Variants in PCDHGC4 observed in about 807,000 individuals in gnomAD.
PCDHGC4 encodes the protein protocadherin gamma-C4.
In PCDHGC4, 15 loss-of-function variants were observed where a neutral mutation model predicts 59.7. That is an observed-to-expected ratio of 0.25 (90% confidence interval 0.17 to 0.39). The LOEUF is 0.39. PCDHGC4 is among the 10% of genes least tolerant of loss of function. The pLI is 1.00. For synonymous variants in PCDHGC4, 434 were observed against 481.4 expected, an observed-to-expected ratio of 0.90 and a Z score of 1.29; for missense variants, 1,016 against 1,189.5, an observed-to-expected ratio of 0.85 and a Z score of 2.15.
At chr5:141,509,071 G>T (rs1209992467) in intron 3 of PCDHGC4, among the ~76,000 whole-genome samples, 1 of 152,176 alleles carries the variant, frequency 6.6e-6, no homozygotes, top group Admixed American at 6.5e-5. Flanking sequence ...CAGCTCCGGG[G>T]ATTTGCGACA....
rs775989253 is a variant in PCDHGC4 at position 141,491,769 on chromosome 5, G to A, written c.2443-3038G>A. On this transcript the variant is annotated intron_variant, in intron 1 of 3. Transcript: ENST00000306593. The surrounding 1 kb of genome is among the most constrained non-coding windows in gnomAD (Gnocchi z 6.9). ...CTGGAGAAGCCGCCCGTCCTCATAA[G>A]GGATTGAACTTGCATCCACTCCTCT... 6.4e-7 allele frequency: 1 copy of A among 1,562,376 alleles called. No homozygotes were observed. Among genetic ancestry groups the A allele is most frequent in the African/African-American group, 1.4e-5 (1 of 73,058 alleles).
intron 2 of PCDHGC4, among the ~76,000 whole-genome samples, chr5:141,499,149 A>G (rs1215155217): frequency 6.6e-6 from 1 of 152,084 alleles, no homozygotes; most frequent in African/African-American, 2.4e-5. Context: ...TCTGATCCCA[A>G]TAGCTGTTGT....
chr5:141,494,898 T>C, intron 2 of PCDHGC4, 33 bp downstream of exon 2: 1 of 1,614,074 alleles, frequency 6.2e-7, no homozygotes, highest in Non-Finnish European at 8.5e-7. Flanking sequence ...CACCCTCTTC[T>C]CTGCGGCATT....
Position 141,486,880 on chromosome 5 carries a change from G to T in PCDHGC4, c.1707G>T (p.Arg569=). The change falls in exon 1 of 4, where the codon CGG becomes CGT. Residue 569 remains arginine, a synonymous_variant. Transcript: ENST00000306593. The surrounding 1 kb of genome is among the most constrained non-coding windows in gnomAD (Gnocchi z 5.0). The stretch of plus-strand genomic sequence containing the variant: ...ATGCTCCAGCTGTGCTCCGTCCTCG[G>T]GCCCGGCCTGGTTCCTTATGTCCCC... ...NDNAPAVLRP[R]ARPGSLCPQA... The T allele has an allele frequency of 6.2e-7, 1 of 1,614,212 alleles. No homozygotes were observed. Among genetic ancestry groups the T allele is most frequent in the East Asian group, 2.2e-5 (1 of 44,882 alleles).
intron 2 of PCDHGC4, among the ~76,000 whole-genome samples, chr5:141,499,445 C>A (rs904360147): frequency 1.3e-5 from 2 of 152,062 alleles, no homozygotes; most frequent in African/African-American, 4.8e-5. Flanking sequence ...AAAGGAAAAC[C>A]ACCCATCATT....
At chr5:141,495,910 A>C (rs2154591812) in intron 2 of PCDHGC4, among the ~76,000 whole-genome samples, 1 of 151,278 alleles carries the variant, frequency 6.6e-6, no homozygotes, top group East Asian at 1.9e-4. Flanking sequence ...GTCTCTGTAT[A>C]TCTTTCTTTG....
rs755093164 is a variant in PCDHGC4, at chr5:141,485,516, G to C, written c.343G>C (p.Glu115Gln). Residue 115 changes from glutamate to glutamine, a missense_variant, in exon 1 of 4, where the codon GAA becomes CAA. Physicochemically the swap from Glu to Gln is conservative, Grantham distance 29. Coordinates refer to ENST00000306593, the MANE Select transcript of PCDHGC4 (RefSeq NM_018928.3). The surrounding 1 kb of genome is among the most constrained non-coding windows in gnomAD (Gnocchi z 5.7). Reference protein sequence around the residue: ...PLEFVTEGPLEMYRAEVEIVD... With the variant: ...PLEFVTEGPLQMYRAEVEIVD... Reference sequence around the variant, plus strand: ...GGAGTTTGTCACCGAAGGTCCTTTGGAAATGTACCGAGCAGAGGTAGAGAT... The same window carrying C: ...GGAGTTTGTCACCGAAGGTCCTTTGCAAATGTACCGAGCAGAGGTAGAGAT... 1 of 1,614,172 alleles carries C rather than the reference G, an allele frequency of 6.2e-7. No individual in the cohort carries two copies.
At position 141,489,088 on chromosome 5, in the gene PCDHGC4, GAC is replaced by G; in HGVS notation, c.2442+1474_2442+1475del. 5.8e-6 allele frequency: 2 copies of G among 347,236 alleles called. No homozygotes were observed. The highest frequency in any genetic ancestry group is 4.7e-5 in the East Asian group (1 of 21,502). The allele number at this position is 347,236 out of a possible 1,614,324, so 21.5% of individuals were successfully genotyped here. A position where few individuals can be genotyped will look rare whatever the true frequency, so the allele number is the denominator to read the frequency against. ...CCCCTGCCCACCCCCGCCACTCGGT[GAC>G]TAAGAACTGCTGCAAGCAGGCAAAC... On this transcript the variant is annotated intron_variant, in intron 1 of 3. Transcript: ENST00000306593. The surrounding 1 kb of genome is among the most constrained non-coding windows in gnomAD (Gnocchi z 4.5).
intron 2 of PCDHGC4, among the ~76,000 whole-genome samples, chr5:141,503,595 G>T (rs6892628): frequency 0.52 from 72,995 of 139,870 alleles, 19,322 homozygotes; most frequent in African/African-American, 0.64. Flanking sequence ...CGAGACTCCA[G>T]CTCAAAAAAA....
chr5:141,486,555 A>T lies in PCDHGC4; in HGVS notation c.1382A>T (p.Glu461Val), dbSNP rs746001345. The T allele has an allele frequency of 6.2e-6, 10 of 1,614,078 alleles. No individual in the cohort carries two copies. Among genetic ancestry groups the T allele is most frequent in the Non-Finnish European group, 7.6e-6 (9 of 1,180,022 alleles). ...NPPSFFQRSH[E>V]VFVPENNRPG... ...CCCTCTTTCTTTCAGAGGTCACATGAGGTGTTTGTTCCTGAGAACAATCGC... is the reference window on the plus strand; with the variant it reads ...CCCTCTTTCTTTCAGAGGTCACATGTGGTGTTTGTTCCTGAGAACAATCGC... Residue 461 changes from glutamate (E) to valine (V), a missense_variant, in exon 1 of 4, where the codon GAG (glutamate) becomes GTG (valine). Transcript: ENST00000306593. This position sits in a 1 kb window ranked among gnomAD's most constrained non-coding sequence, Gnocchi z 5.0.
Position 141,504,710 on chromosome 5 carries a change from G to A in PCDHGC4, c.2502-683G>A, listed in dbSNP as rs528205869. The stretch of plus-strand genomic sequence containing the variant: ...AGGAGGGGCAGGTTCTTCTATGGCC[G>A]TGGATTTTACTCTGAGGGCTTAGGA... On this transcript the variant is annotated intron_variant, in intron 2 of 3. Transcript: ENST00000306593. Among the ~76,000 whole-genome samples the A allele has an allele frequency of 1.4e-4, 21 of 151,968 alleles. No homozygotes were observed. The East Asian group carries it at 3.7e-3, about 27-fold the overall frequency.
chr5:141,507,483 T>G (rs2099860964), intron 3 of PCDHGC4, among the ~76,000 whole-genome samples: 1 of 152,184 alleles, frequency 6.6e-6, no homozygotes, highest in South Asian at 2.1e-4. Context: ...GCTGGCCTCC[T>G]GAGGCAGAGC....
At chr5:141,496,733 C>T (rs1221912777) in intron 2 of PCDHGC4, among the ~76,000 whole-genome samples, 12 of 152,138 alleles carry the variant, frequency 7.9e-5, no homozygotes, top group African/African-American at 9.7e-5. Context: ...TGTATTCATT[C>T]GTTCATTTAT....
At chr5:141,500,348 A>G (rs2099799436) in intron 2 of PCDHGC4, among the ~76,000 whole-genome samples, 1 of 151,950 alleles carries the variant, frequency 6.6e-6, no homozygotes, top group Non-Finnish European at 1.5e-5. Context: ...AGCTGGGACT[A>G]CAGGCGCCCA....
Position 141,490,012 on chromosome 5 carries a change from G to A in PCDHGC4, c.2442+2397G>A. 1 of 1,614,232 alleles carries A rather than the reference G, an allele frequency of 6.2e-7. No homozygotes were observed. Among genetic ancestry groups the A allele is most frequent in the Non-Finnish European group, 8.5e-7 (1 of 1,180,044 alleles). ...GGGAATCCCAGAGAATGCACCCATT[G>A]GTACTCTGCTGCTCCGCCTCAATGC... is the stretch of plus-strand genomic sequence containing the variant. On this transcript the variant is annotated intron_variant, in intron 1 of 3. Transcript: ENST00000306593. This position sits in a 1 kb window ranked among gnomAD's most constrained non-coding sequence, Gnocchi z 5.4.
At chr5:141,502,118 G>A (rs897244225) in intron 2 of PCDHGC4, among the ~76,000 whole-genome samples, 3 of 152,108 alleles carry the variant, frequency 2.0e-5, no homozygotes, top group African/African-American at 7.2e-5. Context: ...CCTCAGCCAG[G>A]CCCACAGAGC....
chr5:141,493,330 A>G lies in PCDHGC4; in HGVS notation c.2443-1477A>G, dbSNP rs979607147. 6.6e-6 allele frequency among the ~76,000 whole-genome samples: 1 copy of G among 152,182 alleles called. No homozygotes were observed. Among genetic ancestry groups the G allele is most frequent in the Non-Finnish European group, 1.5e-5 (1 of 68,020 alleles). On this transcript the variant is annotated intron_variant, in intron 1 of 3. Coordinates refer to ENST00000306593, the MANE Select transcript of PCDHGC4 (RefSeq NM_018928.3). The surrounding 1 kb of genome is among the most constrained non-coding windows in gnomAD (Gnocchi z 4.3). ...GTAAGAGAGATTCTAACCCCTGTCT[A>G]ACTCCAGAATGTGTGCTTTTAATTT... is the stretch of plus-strand genomic sequence containing the variant.
rs2099698809 is a variant in PCDHGC4 at position 141,490,343 on chromosome 5, T to C, written c.2442+2728T>C. On this transcript the variant is annotated intron_variant, in intron 1 of 3. Transcript: ENST00000306593. This position sits in a 1 kb window ranked among gnomAD's most constrained non-coding sequence, Gnocchi z 5.4. ...CTAGAGAGCACACCAGTGGGCACAG[T>C]AGTGGGGTTGTTTAATGTGCGAGAC... The C allele has an allele frequency of 6.2e-7, 1 of 1,614,018 alleles. No individual in the cohort carries two copies. Among genetic ancestry groups the C allele is most frequent in the Admixed American group, 1.7e-5 (1 of 60,006 alleles).
At chr5:141,499,136 G>A (rs1488844131) in intron 2 of PCDHGC4, among the ~76,000 whole-genome samples, 1 of 152,100 alleles carries the variant, frequency 6.6e-6, no homozygotes, top group Non-Finnish European at 1.5e-5. Flanking sequence ...CATCCTTTGG[G>A]TGTCTGATCC....
Sources: gnomAD v4.1 joint callset for allele counts (sites outside exome capture counted in the v4.1 genomes callset) on GRCh38, gnomAD v4.1.1 for gene constraint, Gnocchi (gnomAD v3.1) non-coding constraint, MANE v1.5 for transcripts, NCBI Gene and HGNC (gene_info 2026-07-23, HGNC 2026-07-21) for gene names.